DIPK2A: variants seen among roughly 807,000 people sequenced by gnomAD.
DIPK2A encodes the protein Golgi Protein of 49 kDa.
DIPK2A carries 27 observed loss-of-function variants against 39.0 expected under a neutral mutation model. The observed-to-expected ratio is 0.69, with a 90% CI of 0.51 to 0.96. The LOEUF (loss-of-function observed/expected upper bound fraction) is 0.96. Among genes scored for constraint, DIPK2A ranks in the 40% least tolerant of loss-of-function variants. The probability of loss-of-function intolerance (pLI) is 0.00; values close to 1 mark genes in which losing one functional copy is unlikely to be tolerated. For missense variants in DIPK2A, 528 were observed against 571.3 expected (o/e 0.92, Z 0.77); for synonymous variants, 298 against 240.8 (o/e 1.24, Z -2.20).
At chr3:143,978,687 T>TATAG (rs2087784291) in intron 1 of DIPK2A, among the ~76,000 whole-genome samples, 1 of 126,330 alleles carries the variant, frequency 7.9e-6, no homozygotes, top group East Asian at 2.2e-4. Context: ...TATATCTATA[T>TATAG]ATATATATAT....
At chr3:143,978,619 T>G (rs1195510322) in intron 1 of DIPK2A, 2 of 44,564 alleles carry the variant, frequency 4.5e-5, no homozygotes, top group African/African-American at 4.5e-4. Context: ...TATATATCTA[T>G]ATCTATATAT....
chr3:143,978,232 G>T, intron 1 of DIPK2A, among the ~76,000 whole-genome samples: 1 of 151,684 alleles, frequency 6.6e-6, no homozygotes, highest in African/African-American at 2.4e-5. Context: ...TCTTTCTTCA[G>T]CTTTCACTCA....
At chr3:143,975,637 T>C (rs1559853065) in intron 1 of DIPK2A, among the ~76,000 whole-genome samples, 1 of 111,646 alleles carries the variant, frequency 9.0e-6, no homozygotes, top group Non-Finnish European at 1.7e-5. Flanking sequence ...AATACTGGGA[T>C]ATTAATTGAT....
At chr3:143,976,037 C>T (rs1576806072) in intron 1 of DIPK2A, among the ~76,000 whole-genome samples, 1 of 151,920 alleles carries the variant, frequency 6.6e-6, no homozygotes, top group Non-Finnish European at 1.5e-5. Context: ...TGCTATTATT[C>T]CTTGAAAGGA....
intron 1 of DIPK2A, among the ~76,000 whole-genome samples, chr3:143,983,213 A>C (rs567399502): frequency 7.2e-5 from 11 of 152,346 alleles, no homozygotes; most frequent in African/African-American, 2.6e-4. Context: ...TCAGCTCTGG[A>C]CCAAGTGGAC....
intron 2 of DIPK2A, 76 bp downstream of exon 2, chr3:143,985,922 A>C: frequency 1.6e-6 from 2 of 1,254,076 alleles, no homozygotes; most frequent in South Asian, 1.5e-5. Context: ...GTATGAAATG[A>C]GCCTTGAATT....
intron 1 of DIPK2A, among the ~76,000 whole-genome samples, chr3:143,981,294 G>C (rs897773005): frequency 6.6e-6 from 1 of 152,154 alleles, no homozygotes; most frequent in Non-Finnish European, 1.5e-5. Context: ...ACATATAGAT[G>C]ATGCTATAAA....
rs34741607 is a variant in DIPK2A, at chr3:143,976,531, A to AGTGTGT, written c.657+3562_657+3567dup. 6.1e-3 allele frequency among the ~76,000 whole-genome samples: 867 copies of AGTGTGT among 142,712 alleles called. 5 individuals are homozygous for AGTGTGT. The highest frequency in any genetic ancestry group is 0.022 in the African/African-American group (806 of 37,072). The allele number at this position is 142,712 out of a possible 152,430, so 93.6% of individuals were successfully genotyped here. A position where few individuals can be genotyped will look rare whatever the true frequency, so the allele number is the denominator to read the frequency against. Reference sequence around the variant, plus strand: ...ACCTATTGAATTTACAGAAAGGGAGAGTGTGTGTGTGTGTGTGTGTGTGTG... The same window carrying AGTGTGT: ...ACCTATTGAATTTACAGAAAGGGAGAGTGTGTGTGTGTGTGTGTGTGTGTGTGTGTG... On this transcript the variant is annotated intron_variant, in intron 1 of 2. Coordinates refer to ENST00000315691, the MANE Select transcript of DIPK2A (RefSeq NM_173552.5).
chr3:143,984,475 T>C (rs1470554811), intron 1 of DIPK2A, among the ~76,000 whole-genome samples: 1 of 151,710 alleles, frequency 6.6e-6, no homozygotes, highest in East Asian at 1.9e-4. Context: ...TCAGTATTGT[T>C]GTGTCTCAGG....
chr3:143,981,885 A>G (rs2087833639), intron 1 of DIPK2A, among the ~76,000 whole-genome samples: 1 of 152,200 alleles, frequency 6.6e-6, no homozygotes, highest in African/African-American at 2.4e-5. Flanking sequence ...TTAACACTGT[A>G]CTAATAAGAT....
chr3:143,982,511 C>T (rs757301009), intron 1 of DIPK2A, among the ~76,000 whole-genome samples: 6 of 151,924 alleles, frequency 3.9e-5, no homozygotes, highest in South Asian at 4.2e-4. Context: ...GCTTCATAAG[C>T]GAAGGAGAAA....
rs779167386 is a variant in DIPK2A, at chr3:143,990,849, G to T, written c.*1008G>T. ...TTTAGCTCTGTCATTATTAAATTCA[G>T]ATCTTCCTGATTATTTTTTCTGTTG... On this transcript the variant is annotated 3_prime_UTR_variant, in exon 3 of 3. Transcript: ENST00000315691. The T allele has an allele frequency of 6.6e-6, 1 of 152,524 alleles. No homozygotes were observed. Among genetic ancestry groups the T allele is most frequent in the Admixed American group, 6.5e-5 (1 of 15,286 alleles). 9.4% of individuals were successfully genotyped at this position (152,524 alleles called of 1,614,324 possible).
In DIPK2A at chr3:143,972,063, G is replaced by A. The variant is rs772483626; in HGVS notation, c.-270G>A. On this transcript the variant is annotated 5_prime_UTR_variant, in exon 1 of 3. Coordinates refer to ENST00000315691, the MANE Select transcript of DIPK2A (RefSeq NM_173552.5). ...CCTCTATAACTTGGCTGGCGTGGAG[G>A]AGGCGCCGCCGGAGTCGGAGGGCGG... 1.1e-5 allele frequency: 4 copies of A among 373,464 alleles called. No individual in the cohort carries two copies. The highest frequency in any genetic ancestry group is 3.9e-5 in the East Asian group (1 of 25,862). 23.1% of individuals were successfully genotyped at this position (373,464 alleles called of 1,614,324 possible). A position where few individuals can be genotyped will look rare whatever the true frequency, so the allele number is the denominator to read the frequency against.
rs945040455 is a variant in DIPK2A, at chr3:143,972,260, G to A, written c.-73G>A. 3 of 1,300,358 alleles carry A rather than the reference G, an allele frequency of 2.3e-6. No individual in the cohort carries two copies. The highest frequency in any genetic ancestry group is 2.1e-5 in the South Asian group (1 of 47,814). 80.6% of individuals were successfully genotyped at this position (1,300,358 alleles called of 1,614,324 possible). ...CTCTCGCCCGGGGTTCCTGCCGGTA[G>A]CTCTCCGGGTCTTGGCGCGGCGGGG... On this transcript the variant is annotated 5_prime_UTR_variant, in exon 1 of 3. Coordinates refer to ENST00000315691, the MANE Select transcript of DIPK2A (RefSeq NM_173552.5).
chr3:143,974,498 A>G (rs933025847), intron 1 of DIPK2A, among the ~76,000 whole-genome samples: 1 of 152,234 alleles, frequency 6.6e-6, no homozygotes. Context: ...TATGATGTAC[A>G]TACACTTGAA....
intron 1 of DIPK2A, chr3:143,978,650 A>ATATC (rs2087777809): frequency 2.3e-5 from 1 of 43,984 alleles, no homozygotes; most frequent in African/African-American, 1.4e-4. Context: ...CTATATATAT[A>ATATC]TATATATATC....
rs567440835 is a variant in DIPK2A at position 143,990,711 on chromosome 3, A to G, written c.*870A>G. On this transcript the variant is annotated 3_prime_UTR_variant, in exon 3 of 3. Coordinates refer to ENST00000315691, the MANE Select transcript of DIPK2A (RefSeq NM_173552.5). ...TACAACCCAGTATCTAAAAAGTGTT[A>G]ACTAGTCCAAGATAGTAATGCATAT... 1 of 152,732 alleles carries G rather than the reference A, an allele frequency of 6.5e-6. No individual in the cohort carries two copies. The highest frequency in any genetic ancestry group is 2.4e-5 in the African/African-American group (1 of 41,584). The allele number at this position is 152,732 out of a possible 1,614,324, so 9.5% of individuals were successfully genotyped here.
In DIPK2A at chr3:143,973,003, C is replaced by T. The variant is rs1212192370; in HGVS notation, c.657+14C>T. The T allele has an allele frequency of 1.3e-6, 2 of 1,569,394 alleles. No individual in the cohort carries two copies. The highest frequency in any genetic ancestry group is 1.3e-5 in the African/African-American group (1 of 74,228). On this transcript the variant is annotated intron_variant, in intron 1 of 2. Transcript: ENST00000315691. ...CTGGTGCTACAGGTAGGCGCGGAGCCAGGGCAGGGGGCGTCCTGGGAGGGG... is the reference window on the plus strand; with the variant it reads ...CTGGTGCTACAGGTAGGCGCGGAGCTAGGGCAGGGGGCGTCCTGGGAGGGG...
chr3:143,973,795 T>G (rs915320284), intron 1 of DIPK2A: 21 of 576,612 alleles, frequency 3.6e-5, no homozygotes, highest in Middle Eastern at 4.6e-4. Context: ...TTGTTTGCTC[T>G]CGTCTGACTG....
Sources: gnomAD v4.1 joint callset for allele counts (sites outside exome capture counted in the v4.1 genomes callset) on GRCh38, gnomAD v4.1.1 for gene constraint, MANE v1.5 for transcripts, NCBI Gene and HGNC (gene_info 2026-07-23, HGNC 2026-07-21) for gene names.